Variants in DDX10 observed in about 807,000 individuals in gnomAD.
DDX10 encodes the protein DEAD-box helicase 10.
Under a neutral mutation model 104.3 loss-of-function variants are expected in DDX10, and 74 were observed. The observed-to-expected ratio is 0.71, with a 90% CI of 0.59 to 0.86. The LOEUF (loss-of-function observed/expected upper bound fraction) is 0.86. DDX10 is among the 40% of genes least tolerant of loss of function. DDX10 has a pLI of 0.00. For synonymous variants in DDX10, 351 were observed against 353.4 expected (o/e 0.99, Z 0.08); for missense variants, 952 against 1,040.0 (o/e 0.92, Z 1.16).
intron 1 of DDX10, 60 bp from the exon 2 acceptor site, chr11:108,673,407 A>C: frequency 8.9e-7 from 1 of 1,123,148 alleles, no homozygotes; most frequent in South Asian, 1.3e-5. Flanking sequence ...CAATGTAGAG[A>C]AGAAATGGCT....
intron 13 of DDX10, among the ~76,000 whole-genome samples, chr11:108,782,681 TA>T (rs1244286825): frequency 5.3e-5 from 8 of 152,148 alleles, no homozygotes; most frequent in Admixed American, 4.6e-4. Flanking sequence ...ATCTTCCCTT[TA>T]TAGTGACCCT....
chr11:108,894,175 A>G (rs1041602712), intron 16 of DDX10, among the ~76,000 whole-genome samples: 2 of 152,084 alleles, frequency 1.3e-5, no homozygotes, highest in African/African-American at 2.4e-5. Flanking sequence ...GAGCATGAGA[A>G]TAATACACTT....
chr11:108,865,112 G>A (rs1227498257), intron 16 of DDX10, among the ~76,000 whole-genome samples: 5 of 152,176 alleles, frequency 3.3e-5, no homozygotes, highest in Admixed American at 3.3e-4. Context: ...CCTGTTGTGT[G>A]TTCAGCTCAG....
At chr11:108,838,378 G>C (rs2134593477) in intron 13 of DDX10, 68 bp from the exon 14 acceptor site, 1 of 1,522,934 alleles carries the variant, frequency 6.6e-7, no homozygotes, top group African/African-American at 1.4e-5. Context: ...TATATTGCCA[G>C]AGTTGGATTG....
At chr11:108,903,932 A>G (rs565903884) in intron 16 of DDX10, among the ~76,000 whole-genome samples, 45 of 152,320 alleles carry the variant, frequency 3.0e-4, no homozygotes, top group African/African-American at 9.9e-4. Flanking sequence ...TCTTGGGTAT[A>G]TACCTAGGAT....
At chr11:108,902,784 G>A (rs931150415) in intron 16 of DDX10, among the ~76,000 whole-genome samples, 1 of 151,686 alleles carries the variant, frequency 6.6e-6, no homozygotes, top group African/African-American at 2.4e-5. Flanking sequence ...TTCTCTTATT[G>A]TGTAACTAGA....
intron 1 of DDX10, among the ~76,000 whole-genome samples, chr11:108,665,867 C>T (rs899908554): frequency 1.3e-5 from 2 of 152,196 alleles, no homozygotes; most frequent in Non-Finnish European, 2.9e-5. Flanking sequence ...CTGCATCCCT[C>T]AACATCATCT....
chr11:108,801,257 C>T (rs1444986061), intron 13 of DDX10, among the ~76,000 whole-genome samples: 1 of 152,154 alleles, frequency 6.6e-6, no homozygotes, highest in Non-Finnish European at 1.5e-5. Flanking sequence ...TCCTTACCTG[C>T]CTAACCTGTG....
In DDX10 at chr11:108,774,596, T is replaced by A. The variant is rs1452415769; in HGVS notation, c.1965+51134T>A. The stretch of plus-strand genomic sequence containing the variant: ...TCCTGGAATCTGTACTTGATTACGT[T>A]AGAGAACATTGTTTGGCATTTCTTT... On this transcript the variant is annotated intron_variant, in intron 13 of 17. Coordinates refer to ENST00000322536, the MANE Select transcript of DDX10 (RefSeq NM_004398.4). Among the ~76,000 whole-genome samples, 5 of 152,176 alleles carry A rather than the reference T, an allele frequency of 3.3e-5. 1 individual carries two copies. The highest frequency in any genetic ancestry group is 3.3e-4 in the Admixed American group (5 of 15,286).
intron 13 of DDX10, among the ~76,000 whole-genome samples, chr11:108,729,549 A>G (rs923003946): frequency 1.6e-4 from 25 of 152,148 alleles, no homozygotes; most frequent in African/African-American, 5.8e-4. Flanking sequence ...GAAAAAAACA[A>G]AACAAGGAAG....
At chr11:108,917,463 G>A (rs556496126) in intron 16 of DDX10, among the ~76,000 whole-genome samples, 29 of 152,088 alleles carry the variant, frequency 1.9e-4, no homozygotes, top group African/African-American at 6.7e-4. Context: ...ATTCACAGGC[G>A]TGATCATTGT....
chr11:108,876,783 G>T (rs1022473164), intron 16 of DDX10, among the ~76,000 whole-genome samples: 1 of 152,152 alleles, frequency 6.6e-6, no homozygotes, highest in Non-Finnish European at 1.5e-5. Context: ...CTAGAAGAGA[G>T]AAATCACATC....
At chr11:108,745,021 A>G (rs1012654720) in intron 13 of DDX10, among the ~76,000 whole-genome samples, 12 of 149,746 alleles carry the variant, frequency 8.0e-5, no homozygotes, top group African/African-American at 2.7e-4. Flanking sequence ...GAAACAAGTG[A>G]AGGAAAATTA....
chr11:108,741,040 G>A (rs2094324569), intron 13 of DDX10, among the ~76,000 whole-genome samples: 8 of 152,154 alleles, frequency 5.3e-5, no homozygotes, highest in Admixed American at 5.2e-4. Context: ...AGTTATCTCA[G>A]TACCATTTAT....
At chr11:108,716,143 T>C (rs1446424123) in intron 11 of DDX10, among the ~76,000 whole-genome samples, 177 bp downstream of exon 11, 1 of 152,188 alleles carries the variant, frequency 6.6e-6, no homozygotes, top group Non-Finnish European at 1.5e-5. Context: ...TAGCCCTAGC[T>C]GGAGTGCAGT....
At chr11:108,797,458 G>A (rs937986326) in intron 13 of DDX10, among the ~76,000 whole-genome samples, 1 of 152,144 alleles carries the variant, frequency 6.6e-6, no homozygotes, top group Non-Finnish European at 1.5e-5. Context: ...CTCCCAAGCT[G>A]CAGTAGAGAT....
At chr11:108,840,525 G>A (rs150488079) in intron 14 of DDX10, among the ~76,000 whole-genome samples, 86 of 152,294 alleles carry the variant, frequency 5.6e-4, no homozygotes, top group African/African-American at 1.9e-3. Flanking sequence ...CAGATATCCA[G>A]AGATTAATTT....
intron 6 of DDX10, among the ~76,000 whole-genome samples, chr11:108,685,083 T>C: frequency 6.7e-6 from 1 of 148,544 alleles, no homozygotes; most frequent in African/African-American, 2.5e-5. Flanking sequence ...TTGAGTTCAT[T>C]GTAGATTCTG....
At chr11:108,920,016 G>A (rs1025606799) in intron 17 of DDX10, 1 of 151,324 alleles carries the variant, frequency 6.6e-6, no homozygotes, top group African/African-American at 2.4e-5. Flanking sequence ...TAATATTAAT[G>A]TCATGGCACA....
Sources: allele counts gnomAD v4.1 joint callset (sites outside exome capture counted in the v4.1 genomes callset), GRCh38; gene constraint gnomAD v4.1.1; transcripts MANE v1.5; gene names NCBI Gene and HGNC (gene_info 2026-07-23, HGNC 2026-07-21).